IL1RAPL1: variants seen among roughly 807,000 people sequenced by gnomAD.
IL1RAPL1 encodes interleukin-1 receptor accessory protein-like 1.
Under a neutral mutation model 48.4 loss-of-function variants are expected in IL1RAPL1, and 3 were observed. The observed-to-expected ratio is 0.06, with a 90% CI of 0.03 to 0.16. The LOEUF (loss-of-function observed/expected upper bound fraction) is 0.16. IL1RAPL1 is among the 10% of genes least tolerant of loss of function. The pLI, the probability that IL1RAPL1 is intolerant of heterozygous loss-of-function variation, is 1.00. For missense variants in IL1RAPL1, 349 were observed against 530.6 expected, an observed-to-expected ratio of 0.66 and a Z score of 3.36; for synonymous variants, 185 against 187.7, an observed-to-expected ratio of 0.99 and a Z score of 0.12.
intron 1 of IL1RAPL1, among the ~76,000 whole-genome samples, chrX:28,750,602 A>AT (rs1197259574): frequency 1.8e-5 from 2 of 111,568 alleles, no homozygotes; most frequent in Non-Finnish European, 3.8e-5. Flanking sequence ...TGTTACTCAT[A>AT]TTTTTCTTGA....
chrX:29,439,851 G>GTTTTTTT (rs760458968), intron 5 of IL1RAPL1, among the ~76,000 whole-genome samples: 1 of 59,865 alleles, frequency 1.7e-5, no homozygotes, highest in African/African-American at 7.1e-5. Flanking sequence ...TGTTTGTTTG[G>GTTTTTTT]TTTTTTTTTT....
chrX:28,940,146 T>C lies in IL1RAPL1; in HGVS notation c.82+150721T>C, dbSNP rs1211283090. ...TAAGCTATCCAAATGCAAAGAAAAT[T>C]ACATTCATAGACATACCTCTTATTA... On this transcript the variant is annotated intron_variant, in intron 2 of 10. Transcript: ENST00000378993. Among the ~76,000 whole-genome samples, 3 of 111,571 alleles carry C rather than the reference T, an allele frequency of 2.7e-5. No homozygotes were observed. In the East Asian group the frequency reaches 8.5e-4, roughly 31 times the overall value.
At chrX:29,800,342 C>G (rs935972206) in intron 6 of IL1RAPL1, among the ~76,000 whole-genome samples, 2 of 111,062 alleles carry the variant, frequency 1.8e-5, no homozygotes, top group African/African-American at 6.6e-5. Flanking sequence ...CCTTCCTTAT[C>G]CCTGGTCCAG....
intron 6 of IL1RAPL1, among the ~76,000 whole-genome samples, chrX:29,728,823 G>C (rs1927845731): frequency 8.9e-6 from 1 of 112,317 alleles, no homozygotes; most frequent in Non-Finnish European, 1.9e-5. Flanking sequence ...GCTGCTGTCA[G>C]ATAGGAGCTG....
chrX:29,233,144 T>C (rs1362223240), intron 2 of IL1RAPL1, among the ~76,000 whole-genome samples: 1 of 111,599 alleles, frequency 9.0e-6, no homozygotes, highest in African/African-American at 3.3e-5. Flanking sequence ...AAATTGAAGA[T>C]ACTCTATCAC....
intron 1 of IL1RAPL1, among the ~76,000 whole-genome samples, chrX:28,649,724 C>A (rs1269226061): frequency 8.9e-6 from 1 of 112,330 alleles, no homozygotes; most frequent in Non-Finnish European, 1.9e-5. Context: ...AATGAGACTC[C>A]TTGGCAGTGA....
At chrX:29,113,689 A>G (rs925069633) in intron 2 of IL1RAPL1, among the ~76,000 whole-genome samples, 6 of 111,548 alleles carry the variant, frequency 5.4e-5, no homozygotes, top group African/African-American at 2.0e-4. Context: ...ATGTCTGCCA[A>G]TACATAGACA....
chrX:29,829,164 A>ACACACG (rs2147187081), intron 6 of IL1RAPL1, among the ~76,000 whole-genome samples: 1 of 68,127 alleles, frequency 1.5e-5, no homozygotes, highest in Admixed American at 1.5e-4. Context: ...CTACACACAC[A>ACACACG]CACACACACA....
chrX:29,308,554 T>C (rs1261046931), intron 3 of IL1RAPL1, among the ~76,000 whole-genome samples: 2 of 112,159 alleles, frequency 1.8e-5, no homozygotes, highest in Non-Finnish European at 3.8e-5. Context: ...ATAGGATTAA[T>C]TTCTTAAATC....
At chrX:29,734,434 TCATGAC>T (rs1324835447) in intron 6 of IL1RAPL1, among the ~76,000 whole-genome samples, 1 of 112,033 alleles carries the variant, frequency 8.9e-6, no homozygotes, top group Non-Finnish European at 1.9e-5. Context: ...TAGTCACTAA[TCATGAC>T]CAGACACCAG....
intron 1 of IL1RAPL1, among the ~76,000 whole-genome samples, chrX:28,644,774 A>G (rs1412013967): frequency 8.9e-6 from 1 of 111,936 alleles, no homozygotes; most frequent in African/African-American, 3.2e-5. Flanking sequence ...TAAAAATTAT[A>G]TCAATGAGGT....
At chrX:29,917,179 C>G (rs1601882226) in intron 6 of IL1RAPL1, among the ~76,000 whole-genome samples, 1 of 112,154 alleles carries the variant, frequency 8.9e-6, no homozygotes, top group South Asian at 3.7e-4. Flanking sequence ...TCAATCTAAT[C>G]ATGAGAAAAC....
intron 6 of IL1RAPL1, among the ~76,000 whole-genome samples, chrX:29,741,613 A>T (rs963799890): frequency 9.1e-6 from 1 of 110,371 alleles, no homozygotes; most frequent in Non-Finnish European, 1.9e-5. Flanking sequence ...GCAGTCATAG[A>T]TTGAATGAGA....
At chrX:29,055,089 A>G (rs1927181949) in intron 2 of IL1RAPL1, among the ~76,000 whole-genome samples, 1 of 111,875 alleles carries the variant, frequency 8.9e-6, no homozygotes, top group African/African-American at 3.2e-5. Context: ...CCTAAATATA[A>G]GTATTTAGCA....
chrX:29,798,668 C>G (rs769955686), intron 6 of IL1RAPL1, among the ~76,000 whole-genome samples: 1 of 111,791 alleles, frequency 8.9e-6, no homozygotes, highest in African/African-American at 3.2e-5. Context: ...ACCATAAAGC[C>G]TAATTTAACT....
intron 2 of IL1RAPL1, among the ~76,000 whole-genome samples, chrX:29,104,829 G>A (rs968715617): frequency 4.9e-4 from 55 of 111,565 alleles, no homozygotes; most frequent in African/African-American, 1.7e-3. Flanking sequence ...TAAGCATTAA[G>A]GTTTCTTTCA....
At chrX:29,843,640 T>G (rs192441779) in intron 6 of IL1RAPL1, among the ~76,000 whole-genome samples, 159 of 111,119 alleles carry the variant, frequency 1.4e-3, no homozygotes, top group Non-Finnish European at 2.8e-3. Context: ...AGAAGGTAAT[T>G]TGTTTCCTTG....
At chrX:28,678,721 G>A (rs1160163272) in intron 1 of IL1RAPL1, among the ~76,000 whole-genome samples, 2 of 111,517 alleles carry the variant, frequency 1.8e-5, no homozygotes, top group African/African-American at 6.5e-5. Context: ...TATGCCAAAG[G>A]CTACATTATC....
chrX:28,661,149 A>T (rs749993538), intron 1 of IL1RAPL1, among the ~76,000 whole-genome samples: 95 of 112,111 alleles, frequency 8.5e-4, no homozygotes, highest in Non-Finnish European at 1.7e-3. Flanking sequence ...TCAATTGAGG[A>T]AGGCAAGTTT....
Sources: gnomAD v4.1 joint callset for allele counts (sites outside exome capture counted in the v4.1 genomes callset) on GRCh38, gnomAD v4.1.1 for gene constraint, MANE v1.5 for transcripts, NCBI Gene and HGNC (gene_info 2026-07-23, HGNC 2026-07-21) for gene names.